The following GRAMD1C variants were observed in gnomAD, a reference collection of about 807,000 sequenced individuals.
GRAMD1C encodes protein Aster-C.
GRAMD1C carries 89 observed loss-of-function variants against 97.8 expected under a neutral mutation model. That is an observed-to-expected ratio of 0.91 (90% CI 0.77 to 1.09). The LOEUF (loss-of-function observed/expected upper bound fraction) is 1.09, where lower values mean the gene tolerates loss of function less well. Among genes scored for constraint, GRAMD1C ranks in the 50% least tolerant of loss-of-function variants. The pLI is 0.00. For missense variants in GRAMD1C, 740 were observed against 766.4 expected (o/e 0.97, Z 0.41); for synonymous variants, 256 against 267.0 (o/e 0.96, Z 0.40).
At chr3:113,839,462 C>T (rs989270882) in intron 1 of GRAMD1C, among the ~76,000 whole-genome samples, 1 of 152,182 alleles carries the variant, frequency 6.6e-6, no homozygotes, top group Non-Finnish European at 1.5e-5. Context: ...CGGGCGCCTG[C>T]GTTTCTGAAC....
chr3:113,941,620 A>ATTT (rs11378575), intron 17 of GRAMD1C, among the ~76,000 whole-genome samples: 3,613 of 139,478 alleles, frequency 0.026, 77 homozygotes, highest in South Asian at 0.043. Flanking sequence ...TGGTGTTGCA[A>ATTT]TTTTTTTTTT....
chr3:113,865,639 T>TA, intron 2 of GRAMD1C, among the ~76,000 whole-genome samples: 1 of 152,278 alleles, frequency 6.6e-6, no homozygotes, highest in East Asian at 1.9e-4. Context: ...ATGTTAAATT[T>TA]TAAAAAAAAT....
At chr3:113,864,351 T>G (rs1248603766) in intron 2 of GRAMD1C, among the ~76,000 whole-genome samples, 1 of 152,114 alleles carries the variant, frequency 6.6e-6, no homozygotes, top group Admixed American at 6.6e-5. Context: ...TGACCTCAGG[T>G]GATCTGCCCA....
intron 8 of GRAMD1C, 49 bp downstream of exon 8, chr3:113,904,321 T>C: frequency 8.3e-7 from 1 of 1,208,308 alleles, no homozygotes; most frequent in Non-Finnish European, 1.2e-6. Context: ...TGTCATGTCC[T>C]AATCAGAATA....
intron 6 of GRAMD1C, among the ~76,000 whole-genome samples, chr3:113,893,582 T>G (rs1220073982): frequency 6.6e-6 from 1 of 152,210 alleles, no homozygotes; most frequent in Admixed American, 6.5e-5. Context: ...ATAAATCCCT[T>G]GAAGACAAGG....
intron 6 of GRAMD1C, among the ~76,000 whole-genome samples, chr3:113,887,467 G>A (rs1218323359): frequency 1.3e-5 from 2 of 152,036 alleles, no homozygotes; most frequent in East Asian, 2.0e-4. Context: ...TTGGGAGGCC[G>A]AGGTGGGTGG....
chr3:113,903,628 G>A (rs1270046863), intron 7 of GRAMD1C, among the ~76,000 whole-genome samples: 1 of 152,132 alleles, frequency 6.6e-6, no homozygotes, highest in African/African-American at 2.4e-5. Flanking sequence ...CTTAAACCTT[G>A]TTCTTAGGGC....
At chr3:113,866,341 A>G (rs1376415658) in intron 2 of GRAMD1C, among the ~76,000 whole-genome samples, 1 of 152,242 alleles carries the variant, frequency 6.6e-6, no homozygotes, top group African/African-American at 2.4e-5. Flanking sequence ...TCAGCTAAAA[A>G]GTAATAGAGC....
intron 6 of GRAMD1C, among the ~76,000 whole-genome samples, chr3:113,884,992 GGTCTC>G (rs1935407378): frequency 7.8e-6 from 1 of 127,458 alleles, no homozygotes; most frequent in Non-Finnish European, 1.6e-5. Context: ...CTTCCCTCCT[GGTCTC>G]GGAGGACCCC....
upstream of GRAMD1C, among the ~76,000 whole-genome samples, chr3:113,836,997 CATT>C (rs1005328356): frequency 6.6e-6 from 1 of 152,120 alleles, no homozygotes; most frequent in African/African-American, 2.4e-5. Context: ...ATACATAAAT[CATT>C]AATTATCCTG....
chr3:113,910,805 C>A (rs1451626968), intron 9 of GRAMD1C, among the ~76,000 whole-genome samples: 1 of 152,128 alleles, frequency 6.6e-6, no homozygotes, highest in Non-Finnish European at 1.5e-5. Flanking sequence ...ATCTCCTCCC[C>A]AACTGGAGGG....
chr3:113,926,794 C>A (rs1272421350), intron 10 of GRAMD1C, among the ~76,000 whole-genome samples: 1 of 152,180 alleles, frequency 6.6e-6, no homozygotes, highest in Non-Finnish European at 1.5e-5. Context: ...AACTCCTGGA[C>A]TGTGTGCTCT....
chr3:113,909,587 A>G (rs569812740), intron 9 of GRAMD1C, among the ~76,000 whole-genome samples: 68 of 152,160 alleles, frequency 4.5e-4, no homozygotes, highest in African/African-American at 1.3e-3. Flanking sequence ...CTTTACTTCA[A>G]TACTGCCCAA....
At chr3:113,868,361 GTC>G (rs1250396973) in intron 2 of GRAMD1C, among the ~76,000 whole-genome samples, 1 of 151,946 alleles carries the variant, frequency 6.6e-6, no homozygotes, top group Non-Finnish European at 1.5e-5. Context: ...TTCTTTGCAT[GTC>G]TTATAATTTT....
chr3:113,906,412 G>A (rs1005532249), intron 8 of GRAMD1C, among the ~76,000 whole-genome samples: 3 of 152,014 alleles, frequency 2.0e-5, no homozygotes, highest in African/African-American at 4.8e-5. Flanking sequence ...CTAGGCTAAC[G>A]TGTGTGTTTG....
intron 6 of GRAMD1C, among the ~76,000 whole-genome samples, chr3:113,894,250 G>A (rs2107432445): frequency 6.6e-6 from 1 of 151,956 alleles, no homozygotes; most frequent in South Asian, 2.1e-4. Flanking sequence ...TATAATATAG[G>A]CAGGATGTAT....
chr3:113,849,780 G>C (rs528355930), intron 2 of GRAMD1C, among the ~76,000 whole-genome samples: 271 of 152,158 alleles, frequency 1.8e-3, no homozygotes, highest in African/African-American at 4.4e-3. Flanking sequence ...CCATTGTCAT[G>C]ATGGCCCGTT....
intron 2 of GRAMD1C, chr3:113,850,240 C>T (rs1933836330): frequency 1.7e-6 from 1 of 602,512 alleles, no homozygotes; most frequent in East Asian, 3.8e-5. Flanking sequence ...TCCAGTTTTA[C>T]TGAGGTGGCT....
At chr3:113,919,473 C>T (rs1168256776) in intron 10 of GRAMD1C, 1 of 521,312 alleles carries the variant, frequency 1.9e-6, no homozygotes, top group Non-Finnish European at 3.9e-6. Context: ...AAGAGTAATG[C>T]TCATGAATTT....
Sources: gnomAD v4.1 joint callset for allele counts (sites outside exome capture counted in the v4.1 genomes callset) on GRCh38, gnomAD v4.1.1 for gene constraint, MANE v1.5 for transcripts, NCBI Gene and HGNC (gene_info 2026-07-23, HGNC 2026-07-21) for gene names.